RASEF: variants seen among roughly 807,000 people sequenced by gnomAD.
RASEF encodes the protein RAS and EF-hand domain containing, also known as ras and EF-hand domain-containing protein.
Under a neutral mutation model 90.1 loss-of-function variants are expected in RASEF, and 68 were observed. That is an observed-to-expected ratio of 0.75 (90% CI 0.62 to 0.92). The LOEUF is 0.92. Ranked by LOEUF, RASEF falls within the 40% of genes least tolerant of loss-of-function variation. RASEF has a pLI of 0.00. For synonymous variants in RASEF, 331 were observed against 345.2 expected (o/e 0.96, Z 0.46); for missense variants, 949 against 937.2 (o/e 1.01, Z -0.16).
the RASEF span, among the ~76,000 whole-genome samples, chr9:83,115,901 A>G: frequency 1.3e-5 from 2 of 152,190 alleles, no homozygotes; most frequent in Non-Finnish European, 2.9e-5. Context: ...AAAAGCTACA[A>G]CTATTTTTTA....
the RASEF span, among the ~76,000 whole-genome samples, chr9:83,073,800 TAGTC>T: frequency 6.6e-6 from 1 of 152,218 alleles, no homozygotes; most frequent in Non-Finnish European, 1.5e-5. Flanking sequence ...GTAGTAATCT[TAGTC>T]AAGAGTTAAA....
chr9:83,175,684 C>T, the RASEF span, among the ~76,000 whole-genome samples: 1 of 151,866 alleles, frequency 6.6e-6, no homozygotes, highest in African/African-American at 2.4e-5. Context: ...GGGTTCACGC[C>T]ATTCTCCTGC....
the RASEF span, among the ~76,000 whole-genome samples, chr9:83,212,525 C>T: frequency 6.6e-6 from 1 of 152,212 alleles, no homozygotes; most frequent in Non-Finnish European, 1.5e-5. Flanking sequence ...CTGACAGTGT[C>T]GGTATATATA....
Position 83,021,228 on chromosome 9 carries a change from T to C in RASEF, c.669+1108A>G, listed in dbSNP as rs146148583. Reference sequence around the variant, plus strand: ...CCCCTGTGAAGGCAGGTAGGTTGCATTATCCCATTTTAGAGATGGAATAAC... The same window carrying C: ...CCCCTGTGAAGGCAGGTAGGTTGCACTATCCCATTTTAGAGATGGAATAAC... On this transcript the variant is annotated intron_variant, in intron 3 of 16. Coordinates refer to ENST00000376447, the MANE Select transcript of RASEF (RefSeq NM_152573.4). Among the ~76,000 whole-genome samples, 757 of 152,348 alleles carry C rather than the reference T, an allele frequency of 5.0e-3. 5 individuals carry two copies. The highest frequency in any genetic ancestry group is 0.018 in the African/African-American group (732 of 41,584).
intron 1 of RASEF, among the ~76,000 whole-genome samples, chr9:83,026,478 G>A (rs185411753): frequency 2.0e-5 from 3 of 152,270 alleles, no homozygotes; most frequent in African/African-American, 7.2e-5. Flanking sequence ...ATGGTGACAG[G>A]AGAGAGAAGA....
the RASEF span, among the ~76,000 whole-genome samples, chr9:83,207,558 T>C: frequency 3.3e-5 from 5 of 151,230 alleles, no homozygotes; most frequent in East Asian, 7.8e-4. Flanking sequence ...TTTCAGGATG[T>C]ACTAGATCAA....
At chr9:83,173,657 G>A in the RASEF span, among the ~76,000 whole-genome samples, 2 of 151,586 alleles carry the variant, frequency 1.3e-5, no homozygotes, top group South Asian at 2.1e-4. Context: ...GTGTTATCTT[G>A]AAGTTCACTG....
chr9:83,072,236 C>A, the RASEF span, among the ~76,000 whole-genome samples: 2 of 152,124 alleles, frequency 1.3e-5, no homozygotes, highest in African/African-American at 4.8e-5. Flanking sequence ...CCACAGGACC[C>A]CAACACCATC....
chr9:83,000,840 G>C, intron 10 of RASEF, 56 bp downstream of exon 10: 1 of 1,405,818 alleles, frequency 7.1e-7, no homozygotes, highest in Non-Finnish European at 1.0e-6. Flanking sequence ...GGCAAATAAG[G>C]TGACAGATTT....
At chr9:83,189,068 G>A in the RASEF span, among the ~76,000 whole-genome samples, 2 of 152,156 alleles carry the variant, frequency 1.3e-5, no homozygotes, top group Non-Finnish European at 2.9e-5. Context: ...AGCTGATACG[G>A]GTTGGCTGCG....
At chr9:83,099,420 A>G in the RASEF span, among the ~76,000 whole-genome samples, 1 of 152,202 alleles carries the variant, frequency 6.6e-6, no homozygotes, top group Non-Finnish European at 1.5e-5. Flanking sequence ...GATCCTGTTC[A>G]CCATACCGTG....
chr9:83,063,938 C>T (rs141480673), upstream of RASEF, among the ~76,000 whole-genome samples: 187 of 152,298 alleles, frequency 1.2e-3, 2 homozygotes, highest in Non-Finnish European at 5.6e-4. Context: ...TGTCATACGG[C>T]TTATGTAACC....
the RASEF span, among the ~76,000 whole-genome samples, chr9:83,209,720 A>G: frequency 2.6e-5 from 4 of 152,242 alleles, no homozygotes; most frequent in Non-Finnish European, 5.9e-5. Flanking sequence ...TTATACTAAA[A>G]GTATAATGAC....
chr9:83,086,221 A>C, the RASEF span, among the ~76,000 whole-genome samples: 3 of 152,226 alleles, frequency 2.0e-5, no homozygotes, highest in Non-Finnish European at 4.4e-5. Flanking sequence ...AGCTTCAACT[A>C]TTTGGAAGAG....
chr9:83,089,767 C>T, the RASEF span, among the ~76,000 whole-genome samples: 8 of 152,066 alleles, frequency 5.3e-5, no homozygotes, highest in African/African-American at 1.9e-4. Flanking sequence ...GTACCCTACT[C>T]GAAGTTTATT....
chr9:83,032,515 A>G (rs1043070737), intron 1 of RASEF, among the ~76,000 whole-genome samples: 8 of 152,244 alleles, frequency 5.3e-5, no homozygotes, highest in Non-Finnish European at 8.8e-5. Flanking sequence ...GAGAGCAACC[A>G]ACACTAATAT....
intron 15 of RASEF, among the ~76,000 whole-genome samples, chr9:82,992,614 C>G (rs1429197630): frequency 6.6e-6 from 1 of 152,100 alleles, no homozygotes; most frequent in East Asian, 1.9e-4. Flanking sequence ...TTTCTAGGAA[C>G]TAGGTGAGAG....
At chr9:83,013,670 C>T (rs1829290938) in intron 4 of RASEF, among the ~76,000 whole-genome samples, 5 of 152,192 alleles carry the variant, frequency 3.3e-5, no homozygotes, top group Admixed American at 2.6e-4. Flanking sequence ...AGTAAGATGG[C>T]TTCATCAGTT....
chr9:83,020,672 C>T (rs1426190230), intron 3 of RASEF, among the ~76,000 whole-genome samples: 1 of 152,120 alleles, frequency 6.6e-6, no homozygotes, highest in African/African-American at 2.4e-5. Context: ...GCCAAGGAAA[C>T]TAAAGAAGAT....
Sources: gnomAD v4.1 joint callset for allele counts (sites outside exome capture counted in the v4.1 genomes callset) on GRCh38, gnomAD v4.1.1 for gene constraint, MANE v1.5 for transcripts, NCBI Gene and HGNC (gene_info 2026-07-23, HGNC 2026-07-21) for gene names.